The following SACM1L variants were observed in gnomAD, a reference collection of about 807,000 sequenced individuals.
The protein encoded by SACM1L is phosphatidylinositol-3-phosphatase SAC1.
A neutral mutation model predicts 89.5 loss-of-function variants in SACM1L; 32 were observed. That is an observed-to-expected ratio of 0.36 (90% CI 0.27 to 0.48). SACM1L has a LOEUF of 0.48. SACM1L is among the 20% of genes least tolerant of loss of function. SACM1L has a pLI of 0.99. For missense variants in SACM1L, 543 were observed against 708.5 expected, an observed-to-expected ratio of 0.77 and a Z score of 2.65; for synonymous variants, 213 against 232.8, an observed-to-expected ratio of 0.92 and a Z score of 0.77.
intron 1 of SACM1L, 124 bp downstream of exon 1, chr3:45,689,621 G>C (rs1177850362): frequency 8.2e-7 from 1 of 1,214,268 alleles, no homozygotes; most frequent in African/African-American, 1.5e-5. Flanking sequence ...CGCATTTACC[G>C]GTTTTCCTCA....
intron 4 of SACM1L, 166 bp downstream of exon 4, chr3:45,707,073 TTTAA>T (rs1376705264): frequency 3.4e-5 from 18 of 535,144 alleles, no homozygotes; most frequent in Non-Finnish European, 4.9e-5. Flanking sequence ...AAAAATATTT[TTTAA>T]ATCATTTGTT....
intron 18 of SACM1L, 70 bp from the exon 19 acceptor site, chr3:45,739,517 A>C: frequency 7.4e-7 from 1 of 1,347,954 alleles, no homozygotes; most frequent in Non-Finnish European, 1.1e-6. Context: ...CAAGCAATGC[A>C]TGCACAACTG....
rs371274265 is a variant in SACM1L, at chr3:45,703,441, T to C, written c.36T>C (p.His12=). ...ATAAYEQLKL[H]ITPEKFYVEA... is the part of the protein sequence containing the mutation. ...TATGTTTTACATTTCTTCTTAGGCA[T>C]ATCACACCTGAAAAATTTTATGTGG... Residue 12 remains histidine, a synonymous_variant, in exon 2 of 20, where the codon CAT becomes CAC. Coordinates refer to ENST00000389061, the MANE Select transcript of SACM1L (RefSeq NM_014016.5). 2.1e-5 allele frequency: 33 copies of C among 1,608,116 alleles called. No homozygotes were observed. The African/African-American group carries it at 4.0e-4, about 20-fold the overall frequency.
rs778529608 is a variant in SACM1L, at chr3:45,719,523, A to G, written c.601A>G (p.Ile201Val). The G allele has an allele frequency of 3.1e-6, 5 of 1,608,576 alleles. No homozygotes were observed. The highest frequency in any genetic ancestry group is 1.1e-5 in the South Asian group (1 of 90,586). ...AGTTATTACCATGCATTCATGTTCTATTAATGGAAAATACTTTGATTGGAT... is the reference window on the plus strand; with the variant it reads ...AGTTATTACCATGCATTCATGTTCTGTTAATGGAAAATACTTTGATTGGAT... ...HGFITMHSCS[I>V]NGKYFDWILI... The change falls in exon 8 of 20, where the codon ATT becomes GTT. Residue 201 changes from isoleucine (I) to valine (V), a missense_variant. Around this residue, in one of 2 missense-constraint regions of SACM1L, gnomAD observed 370 missense variants for 527.6 expected, o/e 0.70. Transcript: ENST00000389061.
intron 5 of SACM1L, among the ~76,000 whole-genome samples, chr3:45,712,868 T>C (rs943645345): frequency 1.3e-5 from 2 of 152,120 alleles, no homozygotes; most frequent in African/African-American, 2.4e-5. Flanking sequence ...GTAAAAAATA[T>C]GGATTTTGAA....
chr3:45,723,344 C>A, intron 10 of SACM1L, 131 bp from the exon 11 acceptor site: 1 of 355,178 alleles, frequency 2.8e-6, no homozygotes, highest in Non-Finnish European at 4.9e-6. Context: ...TAGTTCACAT[C>A]CTGACATCTT....
chr3:45,708,461 A>G (rs754683993), intron 4 of SACM1L, among the ~76,000 whole-genome samples: 2 of 152,120 alleles, frequency 1.3e-5, no homozygotes, highest in African/African-American at 4.8e-5. Context: ...CTAGAAGAAA[A>G]TATATTATTC....
intron 5 of SACM1L, among the ~76,000 whole-genome samples, chr3:45,711,833 T>G (rs1430788747): frequency 6.6e-6 from 1 of 152,226 alleles, no homozygotes; most frequent in East Asian, 1.9e-4. Context: ...CTTTAAAGAC[T>G]TTGACACTTA....
At chr3:45,710,568 T>TA (rs1698503172) in intron 5 of SACM1L, among the ~76,000 whole-genome samples, 1 of 151,130 alleles carries the variant, frequency 6.6e-6, no homozygotes, top group South Asian at 2.1e-4. Context: ...GATCTCAACT[T>TA]AAAGTTTCTT....
At chr3:45,711,206 A>G (rs1465759743) in intron 5 of SACM1L, among the ~76,000 whole-genome samples, 1 of 152,120 alleles carries the variant, frequency 6.6e-6, no homozygotes, top group Non-Finnish European at 1.5e-5. Flanking sequence ...TTGAGCTGAG[A>G]CTTGATGAAG....
Position 45,743,755 on chromosome 3 carries a change from C to T in SACM1L, c.*86C>T. The T allele has an allele frequency of 6.9e-7, 1 of 1,452,350 alleles. No homozygotes were observed. Among genetic ancestry groups the T allele is most frequent in the Non-Finnish European group, 9.2e-7 (1 of 1,082,062 alleles). 90.0% of individuals were successfully genotyped at this position (1,452,350 alleles called of 1,614,324 possible). A position where few individuals can be genotyped will look rare whatever the true frequency, so the allele number is the denominator to read the frequency against. ...TACTGACCCGCTTTCCACATCAGCC[C>T]AAGGTCTTTTTAATGCCTTTATCCA... is the stretch of plus-strand genomic sequence containing the variant. On this transcript the variant is annotated 3_prime_UTR_variant, in exon 20 of 20. Transcript: ENST00000389061.
At chr3:45,699,454 T>G (rs1384716641) in intron 1 of SACM1L, among the ~76,000 whole-genome samples, 1 of 119,706 alleles carries the variant, frequency 8.4e-6, no homozygotes, top group Non-Finnish European at 1.7e-5. Flanking sequence ...TTTATAAATT[T>G]ATATAAATTT....
intron 7 of SACM1L, among the ~76,000 whole-genome samples, chr3:45,715,818 A>G (rs1221090749): frequency 6.6e-6 from 1 of 151,204 alleles, no homozygotes; most frequent in Non-Finnish European, 1.5e-5. Flanking sequence ...GCCTTAAATG[A>G]TTTGGGCCAA....
Position 45,732,257 on chromosome 3 carries a change from G to C in SACM1L, c.1100+106G>C, listed in dbSNP as rs193301944. 17 of 528,182 alleles carry C rather than the reference G, an allele frequency of 3.2e-5. No individual in the cohort carries two copies. The East Asian group carries it at 4.6e-4, about 14-fold the overall frequency. The allele number at this position is 528,182 out of a possible 1,614,324, so 32.7% of individuals were successfully genotyped here. A position where few individuals can be genotyped will look rare whatever the true frequency, so the allele number is the denominator to read the frequency against. ...ACTTACAAGTACAGTTCACTGGATT[G>C]TCATTGCTTGTCTGTACTATTTTAT... On this transcript the variant is annotated intron_variant, in intron 13 of 19. Coordinates refer to ENST00000389061, the MANE Select transcript of SACM1L (RefSeq NM_014016.5).
chr3:45,697,857 T>C (rs983671518), intron 1 of SACM1L, among the ~76,000 whole-genome samples: 14 of 152,294 alleles, frequency 9.2e-5, no homozygotes, highest in African/African-American at 3.1e-4. Context: ...GAACCCTTTT[T>C]AGTATACAGT....
intron 6 of SACM1L, 34 bp from the exon 7 acceptor site, chr3:45,714,012 G>T: frequency 8.6e-7 from 1 of 1,156,740 alleles, no homozygotes; most frequent in Non-Finnish European, 1.2e-6. Context: ...TATTTTTAAA[G>T]TATATTTATT....
chr3:45,717,032 A>G (rs1698678090), intron 7 of SACM1L, among the ~76,000 whole-genome samples: 1 of 152,176 alleles, frequency 6.6e-6, no homozygotes, highest in African/African-American at 2.4e-5. Context: ...CTGGCTCGAA[A>G]TAGATAATTT....
At chr3:45,730,957 T>G (rs1699039679) in intron 11 of SACM1L, among the ~76,000 whole-genome samples, 1 of 152,218 alleles carries the variant, frequency 6.6e-6, no homozygotes, top group African/African-American at 2.4e-5. Flanking sequence ...CTGGTCTGCC[T>G]CCTCTAGTTT....
At position 45,744,976 on chromosome 3, in the gene SACM1L, C is replaced by T. The variant is rs531955260; in HGVS notation, c.*1307C>T. On this transcript the variant is annotated 3_prime_UTR_variant, in exon 20 of 20. Coordinates refer to ENST00000389061, the MANE Select transcript of SACM1L (RefSeq NM_014016.5). The stretch of plus-strand genomic sequence containing the variant: ...AAAAGCGCCTTTATTTCAGCATTAC[C>T]TTTTTTTCATCACTATCTTTTATAA... The T allele has an allele frequency of 1.3e-5, 2 of 151,980 alleles. No homozygotes were observed. The highest frequency in any genetic ancestry group is 2.4e-5 in the African/African-American group (1 of 41,372). The allele number at this position is 151,980 out of a possible 1,614,324, so 9.4% of individuals were successfully genotyped here.
Sources: allele counts gnomAD v4.1 joint callset (sites outside exome capture counted in the v4.1 genomes callset), GRCh38; gene constraint gnomAD v4.1.1; regional missense constraint gnomAD v4.1.1; transcripts MANE v1.5; gene names NCBI Gene and HGNC (gene_info 2026-07-23, HGNC 2026-07-21).